The following IQGAP3 variants were observed in gnomAD, a reference collection of about 807,000 sequenced individuals.
IQGAP3 encodes IQ motif containing GTPase activating protein 3.
In IQGAP3, 165 loss-of-function variants were observed where a neutral mutation model predicts 208.2. That is an observed-to-expected ratio of 0.79 (90% confidence interval 0.70 to 0.90). IQGAP3 has a LOEUF of 0.90. IQGAP3 is among the 40% of genes least tolerant of loss of function. The probability of loss-of-function intolerance (pLI) is 0.00; values close to 1 mark genes in which losing one functional copy is unlikely to be tolerated. For synonymous variants in IQGAP3, 703 were observed against 803.6 expected (o/e 0.87, Z 2.12); for missense variants, 1,811 against 2,043.1 (o/e 0.89, Z 2.19).
At position 156,552,101 on chromosome 1, in the gene IQGAP3, A is replaced by C. The variant is rs768312212; in HGVS notation, c.1449-6T>G. 6.2e-7 allele frequency: 1 copy of C among 1,613,734 alleles called. No homozygotes were observed. The highest frequency in any genetic ancestry group is 8.5e-7 in the Non-Finnish European group (1 of 1,179,794). ...TCAGCAGGGCATCGAAGTAACTGGC[A>C]GTGGGGTGAAGGGCAGAGAGGTGAG... is the stretch of plus-strand genomic sequence containing the variant. On this transcript the variant is annotated splice_region_variant and splice_polypyrimidine_tract_variant and intron_variant, in intron 13 of 37. Transcript: ENST00000361170.
Position 156,566,043 on chromosome 1 carries a change from T to C in IQGAP3, c.344A>G (p.His115Arg), listed in dbSNP as rs1390624682. 1 of 1,613,678 alleles carries C rather than the reference T, an allele frequency of 6.2e-7. No individual in the cohort carries two copies. The highest frequency in any genetic ancestry group is 1.7e-4 in the Middle Eastern group (1 of 6,058). ...NINFWLSAIA[H>R]IGLPSTFFPE... ...CAGTATTACCGAAGGCAGACCGATGTGGGCTATTGCAGATAGCCAAAAGTT... is the reference window on the plus strand; with the variant it reads ...CAGTATTACCGAAGGCAGACCGATGCGGGCTATTGCAGATAGCCAAAAGTT... Residue 115 changes from histidine (H) to arginine (R), a missense_variant, in exon 4 of 38, where the codon CAC (histidine) becomes CGC (arginine). Transcript: ENST00000361170.
chr1:156,531,073 G>C (rs143377614), intron 33 of IQGAP3, 87 bp downstream of exon 33: 5 of 943,250 alleles, frequency 5.3e-6, no homozygotes, highest in Middle Eastern at 2.2e-4. Context: ...TGTGGGTGAG[G>C]TTCAGAGGAG....
chr1:156,566,614 C>T (rs1676411048), intron 2 of IQGAP3, 68 bp from the exon 3 acceptor site: 1 of 1,495,614 alleles, frequency 6.7e-7, no homozygotes, highest in Admixed American at 1.8e-5. Flanking sequence ...ACAACAGGAA[C>T]TTCCCTCTGT....
intron 2 of IQGAP3, among the ~76,000 whole-genome samples, chr1:156,567,968 G>C (rs1453346346): frequency 6.6e-6 from 1 of 152,184 alleles, no homozygotes; most frequent in African/African-American, 2.4e-5. Context: ...AAGTTAATGG[G>C]AAATTTTATG....
chr1:156,563,419 G>T, intron 7 of IQGAP3, 107 bp from the exon 8 acceptor site: 1 of 1,375,386 alleles, frequency 7.3e-7, no homozygotes, highest in Non-Finnish European at 9.9e-7. Context: ...ACCCTCAAGG[G>T]CCAGACAAAC....
chr1:156,537,892 A>T (rs1039739779), intron 26 of IQGAP3, among the ~76,000 whole-genome samples: 39 of 140,304 alleles, frequency 2.8e-4, no homozygotes, highest in East Asian at 2.1e-3. Context: ...CTCCCAGCAA[A>T]TTTTTTTTTT....
chr1:156,572,371 G>A, intron 1 of IQGAP3, 122 bp downstream of exon 1: 4 of 1,093,216 alleles, frequency 3.7e-6, no homozygotes, highest in Non-Finnish European at 5.5e-6. Context: ...CCACTGAGCA[G>A]TCCCACCGCC....
chr1:156,533,140 C>T (rs1273543499), intron 31 of IQGAP3, 34 bp from the exon 32 acceptor site: 1 of 1,612,320 alleles, frequency 6.2e-7, no homozygotes, highest in African/African-American at 1.3e-5. Flanking sequence ...GGGAGACAGG[C>T]ATACACACAC....
chr1:156,540,159 G>A (rs543751099), intron 23 of IQGAP3, among the ~76,000 whole-genome samples, 169 bp from the exon 24 acceptor site: 3 of 152,228 alleles, frequency 2.0e-5, no homozygotes, highest in African/African-American at 7.2e-5. Context: ...CCCTCCAAGT[G>A]CCCTGAGACT....
rs548860214 is a variant in IQGAP3, at chr1:156,566,428, A to G, written c.244T>C (p.Leu82=). 9.3e-5 allele frequency: 150 copies of G among 1,614,156 alleles called. No individual in the cohort carries two copies. The South Asian group carries it at 1.5e-3, about 16-fold the overall frequency. The change falls in exon 3 of 38, where the codon TTG becomes CTG. Residue 82 remains leucine (L), a synonymous_variant. Transcript: ENST00000361170. Reference sequence around the variant, plus strand: ...TGCTCCACATCGTAGATCTTCTTCAAGGGAACCACGGAGGGTGCAAAACAG... The same window carrying G: ...TGCTCCACATCGTAGATCTTCTTCAGGGGAACCACGGAGGGTGCAAAACAG... ...GHCFAPSVVP[L]KKIYDVEQLR...
chr1:156,570,507 C>A (rs1044033865), intron 1 of IQGAP3, among the ~76,000 whole-genome samples: 1 of 152,204 alleles, frequency 6.6e-6, no homozygotes, highest in Non-Finnish European at 1.5e-5. Flanking sequence ...TCCTGGACAA[C>A]AGAGATATTG....
At position 156,561,902 on chromosome 1, in the gene IQGAP3, A is replaced by C. The variant is rs779927496; in HGVS notation, c.977T>G (p.Val326Gly). ...LQDPALALRG[V>G]RRDFADWYLE... ...GTACCAGTCAGCAAAGTCTCTCCTC[A>C]CCCCTCGCAGGGCCAGGGCAGGGTC... The change falls in exon 10 of 38, where the codon GTG becomes GGG. Residue 326 changes from valine to glycine, a missense_variant. Physicochemically the swap from Val to Gly is moderately radical, Grantham distance 109. Transcript: ENST00000361170. 1 of 1,613,306 alleles carries C rather than the reference A, an allele frequency of 6.2e-7. No homozygotes were observed. The highest frequency in any genetic ancestry group is 2.2e-5 in the East Asian group (1 of 44,860).
intron 13 of IQGAP3, among the ~76,000 whole-genome samples, chr1:156,553,672 C>A (rs1675677518): frequency 6.6e-6 from 1 of 151,674 alleles, no homozygotes; most frequent in Non-Finnish European, 1.5e-5. Flanking sequence ...ACCTCCACCT[C>A]CCAGGTTCAA....
chr1:156,570,939 G>C (rs980443168), intron 1 of IQGAP3, among the ~76,000 whole-genome samples: 4 of 152,224 alleles, frequency 2.6e-5, no homozygotes, highest in Admixed American at 2.0e-4. Context: ...AGATCTTAAG[G>C]AATAAATAGG....
intron 1 of IQGAP3, 147 bp from the exon 2 acceptor site, chr1:156,569,610 C>G (rs1294012532): frequency 2.4e-6 from 1 of 419,466 alleles, no homozygotes; most frequent in East Asian, 3.7e-5. Context: ...GCTCCGCCTC[C>G]CGGGTTCATG....
At position 156,529,056 on chromosome 1, in the gene IQGAP3, C is replaced by T. The variant is rs1349989720; in HGVS notation, c.4431G>A (p.Arg1477=). ...TCACCAGCTCTGCCTTCCGCCTGTG[C>T]CTGTGTCTGTGCTGGTTGCGGATGT... The part of the protein sequence containing the change: ...AKDIRNQHRH[R]HRRKAELVKL... Residue 1477 remains arginine, a synonymous_variant, in exon 35 of 38, where the codon AGG becomes AGA. Transcript: ENST00000361170. The T allele has an allele frequency of 1.2e-6, 2 of 1,614,196 alleles. No homozygotes were observed. Among genetic ancestry groups the T allele is most frequent in the Non-Finnish European group, 1.7e-6 (2 of 1,180,034 alleles).
chr1:156,538,202 A>G (rs1016440213), intron 26 of IQGAP3, among the ~76,000 whole-genome samples: 2 of 152,182 alleles, frequency 1.3e-5, no homozygotes, highest in Non-Finnish European at 2.9e-5. Flanking sequence ...CTAGGACTAC[A>G]GGTGCCTGCC....
chr1:156,529,059 G>A lies in IQGAP3; in HGVS notation c.4428C>T (p.His1476=), dbSNP rs1004503689. 1.9e-6 allele frequency: 3 copies of A among 1,614,108 alleles called. No homozygotes were observed. The highest frequency in any genetic ancestry group is 2.2e-5 in the South Asian group (2 of 91,092). ...LAKDIRNQHR[H]RHRRKAELVK... Reference sequence around the variant, plus strand: ...CCAGCTCTGCCTTCCGCCTGTGCCTGTGTCTGTGCTGGTTGCGGATGTCCT... The same window carrying A: ...CCAGCTCTGCCTTCCGCCTGTGCCTATGTCTGTGCTGGTTGCGGATGTCCT... Residue 1476 remains histidine (H), a synonymous_variant, in exon 35 of 38, where the codon CAC becomes CAT. Transcript: ENST00000361170.
intron 8 of IQGAP3, 73 bp downstream of exon 8, chr1:156,563,061 G>C (rs1027493471): frequency 3.9e-6 from 5 of 1,290,862 alleles, no homozygotes; most frequent in Non-Finnish European, 5.4e-6. Context: ...ATGACAGATA[G>C]GAGTCCCGGT....
Sources: gnomAD v4.1 joint callset for allele counts (sites outside exome capture counted in the v4.1 genomes callset) on GRCh38, gnomAD v4.1.1 for gene constraint, MANE v1.5 for transcripts, NCBI Gene and HGNC (gene_info 2026-07-23, HGNC 2026-07-21) for gene names.